The following MMS22L variants were observed in gnomAD, a reference collection of about 807,000 sequenced individuals.
MMS22L encodes protein MMS22-like.
MMS22L carries 74 observed loss-of-function variants against 159.1 expected under a neutral mutation model. The ratio of observed to expected loss-of-function variants is 0.47; its 90% CI spans 0.39 to 0.56. MMS22L has a LOEUF of 0.56. Ranked by LOEUF, MMS22L falls within the 20% of genes least tolerant of loss-of-function variation. MMS22L has a pLI of 0.00. For missense variants in MMS22L, 1,351 were observed against 1,422.1 expected (o/e 0.95, Z 0.80); for synonymous variants, 517 against 506.9 (o/e 1.02, Z -0.27).
Position 97,272,977 on chromosome 6 carries a change from G to A in MMS22L, c.426C>T (p.Phe142=). 1 of 1,611,976 alleles carries A rather than the reference G, an allele frequency of 6.2e-7. No homozygotes were observed. Residue 142 remains phenylalanine (F), a splice_region_variant and synonymous_variant, in exon 5 of 25, where the codon TTC becomes TTT. Transcript: ENST00000683635. ...AAAATACTCATCTGATATCCTACCTGAAGATGAAAACTTTAACATAATGGA... is the reference window on the plus strand; with the variant it reads ...AAAATACTCATCTGATATCCTACCTAAAGATGAAAACTTTAACATAATGGA... ...LFLHYVKVFI[F]RYLKVQNAES... is the part of the protein sequence containing the mutation.
intron 14 of MMS22L, among the ~76,000 whole-genome samples, chr6:97,187,480 A>C (rs1201724624): frequency 6.6e-6 from 1 of 152,196 alleles, no homozygotes; most frequent in African/African-American, 2.4e-5. Flanking sequence ...TGATTATTTA[A>C]AACTAAATGT....
intron 11 of MMS22L, among the ~76,000 whole-genome samples, chr6:97,234,236 A>G (rs1811165007): frequency 6.6e-6 from 1 of 152,180 alleles, no homozygotes; most frequent in Non-Finnish European, 1.5e-5. Flanking sequence ...TTTAAAAATT[A>G]CAGGTGTTTC....
At chr6:97,236,753 C>A (rs898439932) in intron 11 of MMS22L, among the ~76,000 whole-genome samples, 1 of 152,004 alleles carries the variant, frequency 6.6e-6, no homozygotes, top group Non-Finnish European at 1.5e-5. Context: ...AGATCGAGAC[C>A]ATCCTGGCTA....
At chr6:97,218,794 CAT>C (rs1809303549) in intron 14 of MMS22L, among the ~76,000 whole-genome samples, 1 of 152,172 alleles carries the variant, frequency 6.6e-6, no homozygotes, top group Non-Finnish European at 1.5e-5. Flanking sequence ...TTAATTGACT[CAT>C]AGTTCCCCAT....
At chr6:97,238,593 G>GTT (rs892304754) in intron 11 of MMS22L, among the ~76,000 whole-genome samples, 17 of 150,438 alleles carry the variant, frequency 1.1e-4, no homozygotes, top group South Asian at 2.1e-4. Context: ...GTGTGTGTGT[G>GTT]TGTGTGTGTG....
intron 3 of MMS22L, among the ~76,000 whole-genome samples, chr6:97,280,949 C>A (rs1816705439): frequency 6.6e-6 from 1 of 152,070 alleles, no homozygotes; most frequent in Non-Finnish European, 1.5e-5. Context: ...ATGGCTATTG[C>A]ACAACAAAAA....
intron 14 of MMS22L, among the ~76,000 whole-genome samples, chr6:97,215,116 T>TATATATATATATATATA (rs1410024960): frequency 3.8e-5 from 5 of 132,050 alleles, no homozygotes; most frequent in African/African-American, 6.5e-5. Context: ...ATATATATAT[T>TATATATATATATATATA]TTTTTTTTGC....
intron 14 of MMS22L, among the ~76,000 whole-genome samples, chr6:97,219,949 G>A (rs1222789172): frequency 3.3e-5 from 5 of 151,886 alleles, no homozygotes; most frequent in Non-Finnish European, 7.4e-5. Context: ...TCTATACTCT[G>A]CCATCTCACC....
At chr6:97,233,203 C>G (rs1444365535) in intron 12 of MMS22L, among the ~76,000 whole-genome samples, 1 of 152,154 alleles carries the variant, frequency 6.6e-6, no homozygotes, top group African/African-American at 2.4e-5. Flanking sequence ...TCTCTAGTCT[C>G]CTATCTTCGG....
At chr6:97,216,886 G>C (rs1809072083) in intron 14 of MMS22L, among the ~76,000 whole-genome samples, 1 of 152,274 alleles carries the variant, frequency 6.6e-6, no homozygotes, top group East Asian at 1.9e-4. Flanking sequence ...CCAGTGGCTG[G>C]TAAAGAAAAA....
rs9374464 is a variant in MMS22L, at chr6:97,279,311, G to A, written c.291-413C>T. On this transcript the variant is annotated intron_variant, in intron 3 of 24. Transcript: ENST00000683635. ...ATCCTGGCAAACATGGTGAAACCCC[G>A]TCTCTACTAAAAATACGAAAAAATT... Among the ~76,000 whole-genome samples, 192 of 151,638 alleles carry A rather than the reference G, an allele frequency of 1.3e-3. 5 individuals are homozygous for A. In the East Asian group the frequency reaches 0.036, roughly 28 times the overall value.
intron 22 of MMS22L, among the ~76,000 whole-genome samples, chr6:97,153,179 A>G (rs186566311): frequency 6.6e-5 from 10 of 152,078 alleles, no homozygotes; most frequent in East Asian, 3.9e-4. Context: ...TTGTCATATA[A>G]TTCACATACT....
At chr6:97,243,163 A>G (rs984183019) in intron 11 of MMS22L, among the ~76,000 whole-genome samples, 1 of 152,182 alleles carries the variant, frequency 6.6e-6, no homozygotes, top group Non-Finnish European at 1.5e-5. Flanking sequence ...ATTCCCTCAC[A>G]TAAGTTTTCC....
At chr6:97,185,547 T>A (rs777185762) in intron 15 of MMS22L, among the ~76,000 whole-genome samples, 2 of 152,200 alleles carry the variant, frequency 1.3e-5, no homozygotes, top group Non-Finnish European at 2.9e-5. Context: ...TTAAACTGGC[T>A]GAATATCAAT....
intron 22 of MMS22L, among the ~76,000 whole-genome samples, chr6:97,152,141 CAA>C (rs1168717530): frequency 6.6e-6 from 1 of 151,866 alleles, no homozygotes; most frequent in African/African-American, 2.4e-5. Context: ...TGCCCATATT[CAA>C]AAAAGTTACA....
chr6:97,270,279 T>C (rs950066646), intron 6 of MMS22L: 1 of 543,838 alleles, frequency 1.8e-6, no homozygotes, highest in Non-Finnish European at 3.5e-6. Flanking sequence ...CTGATTCTAC[T>C]ACAGCTGCAA....
At chr6:97,240,388 C>T (rs1414545304) in intron 11 of MMS22L, among the ~76,000 whole-genome samples, 1 of 152,070 alleles carries the variant, frequency 6.6e-6, no homozygotes, top group Admixed American at 6.6e-5. Context: ...CATATTATTC[C>T]TACTTCTAGG....
intron 22 of MMS22L, 112 bp from the exon 23 acceptor site, chr6:97,151,979 C>T (rs988193524): frequency 5.6e-6 from 4 of 715,906 alleles, no homozygotes; most frequent in Admixed American, 2.8e-5. Context: ...AAAGTATGTA[C>T]ATCCTTTTTC....
Position 97,267,900 on chromosome 6 carries a change from A to G in MMS22L, c.800T>C (p.Ile267Thr). The G allele has an allele frequency of 6.2e-7, 1 of 1,607,568 alleles. No homozygotes were observed. Among genetic ancestry groups the G allele is most frequent in the East Asian group, 2.2e-5 (1 of 44,546 alleles). Residue 267 changes from isoleucine (I) to threonine (T), a missense_variant, in exon 8 of 25, where the codon ATA becomes ACA. Transcript: ENST00000683635. ...GTCGTACCTGTTGAGTGACAGGCTTATTAAATCACAAAGGAGAGTTTCACA... is the reference window on the plus strand; with the variant it reads ...GTCGTACCTGTTGAGTGACAGGCTTGTTAAATCACAAAGGAGAGTTTCACA... ...EHCETLLCDL[I>T]SLSLNRYDKV...
Sources: gnomAD v4.1 joint callset for allele counts (sites outside exome capture counted in the v4.1 genomes callset) on GRCh38, gnomAD v4.1.1 for gene constraint, MANE v1.5 for transcripts, NCBI Gene and HGNC (gene_info 2026-07-23, HGNC 2026-07-21) for gene names.